The following MRPS6 variants were observed in gnomAD, a reference collection of about 807,000 sequenced individuals.
MRPS6 encodes small ribosomal subunit protein bS6m.
A neutral mutation model predicts 13.1 loss-of-function variants in MRPS6; 6 were observed. The ratio of observed to expected loss-of-function variants is 0.46; its 90% CI spans 0.25 to 0.91. The LOEUF is 0.91. Among genes scored for constraint, MRPS6 ranks in the 40% least tolerant of loss-of-function variants. The probability of loss-of-function intolerance (pLI) is 0.18; values close to 1 mark genes in which losing one functional copy is unlikely to be tolerated. For missense variants in MRPS6, 164 were observed against 155.6 expected, an observed-to-expected ratio of 1.05 and a Z score of -0.29; for synonymous variants, 61 against 56.5, an observed-to-expected ratio of 1.08 and a Z score of -0.36.
intron 2 of MRPS6, among the ~76,000 whole-genome samples, chr21:34,132,500 C>T (rs1442463086): frequency 1.3e-5 from 2 of 152,144 alleles, no homozygotes; most frequent in Admixed American, 6.5e-5. Flanking sequence ...AGGGTGAAGG[C>T]AAGAGAGGGG....
chr21:34,122,579 G>T lies in MRPS6; in HGVS notation c.46-2762G>T, dbSNP rs753178286. ...TTATAAGCTCTTACTTCAGAAGAGGGTAATGAGTTTTATACTGTAAACACT... is the reference window on the plus strand; with the variant it reads ...TTATAAGCTCTTACTTCAGAAGAGGTTAATGAGTTTTATACTGTAAACACT... On this transcript the variant is annotated intron_variant, in intron 1 of 2. Coordinates refer to ENST00000399312, the MANE Select transcript of MRPS6 (RefSeq NM_032476.4). 2.6e-5 allele frequency: 4 copies of T among 152,260 alleles called. 1 individual carries two copies. Among genetic ancestry groups the T allele is most frequent in the South Asian group, 4.1e-4 (2 of 4,826 alleles). The allele number at this position is 152,260 out of a possible 1,614,324, so 9.4% of individuals were successfully genotyped here.
At chr21:34,125,607 T>G in intron 2 of MRPS6, 127 bp downstream of exon 2, 1 of 1,380,988 alleles carries the variant, frequency 7.2e-7, no homozygotes, top group Non-Finnish European at 9.8e-7. Flanking sequence ...GTCCTTTGGG[T>G]ACACACTCTG....
At chr21:34,082,196 A>G (rs901434415) in intron 1 of MRPS6, among the ~76,000 whole-genome samples, 3 of 152,182 alleles carry the variant, frequency 2.0e-5, no homozygotes, top group African/African-American at 7.2e-5. Context: ...TAAATCTCTT[A>G]GCATTTATGT....
intron 1 of MRPS6, among the ~76,000 whole-genome samples, chr21:34,086,145 A>G (rs182437525): frequency 6.6e-6 from 1 of 152,216 alleles, no homozygotes; most frequent in African/African-American, 2.4e-5. Context: ...TGCTGTTTAT[A>G]TATATTCTTC....
intron 2 of MRPS6, among the ~76,000 whole-genome samples, chr21:34,130,106 C>G (rs1980449501): frequency 6.7e-6 from 1 of 149,920 alleles, no homozygotes; most frequent in African/African-American, 2.4e-5. Context: ...AAAGCCCTCC[C>G]ATCCCCCTCC....
chr21:34,113,193 T>G (rs1232172148), intron 1 of MRPS6, among the ~76,000 whole-genome samples: 1 of 152,104 alleles, frequency 6.6e-6, no homozygotes, highest in Non-Finnish European at 1.5e-5. Context: ...CTCAAAATAT[T>G]AAAAATAGGA....
intron 1 of MRPS6, among the ~76,000 whole-genome samples, chr21:34,074,327 G>A (rs1347743354): frequency 6.6e-6 from 1 of 152,188 alleles, no homozygotes. Context: ...TCGCTCTCAT[G>A]TTAAAAAAAA....
intron 1 of MRPS6, chr21:34,101,053 G>T: frequency 1.0e-6 from 1 of 1,000,178 alleles, no homozygotes; most frequent in East Asian, 1.1e-4. Flanking sequence ...GGTTTGGATA[G>T]AGAGATGTAT....
intron 1 of MRPS6, chr21:34,123,694 A>C (rs568713581): frequency 2.2e-4 from 33 of 152,142 alleles, no homozygotes; most frequent in African/African-American, 8.0e-4. Flanking sequence ...TTTGACTACC[A>C]ACTTGCCCAT....
intron 1 of MRPS6, among the ~76,000 whole-genome samples, chr21:34,078,762 G>T (rs1055090689): frequency 6.6e-6 from 1 of 152,022 alleles, no homozygotes; most frequent in Non-Finnish European, 1.5e-5. Context: ...TGGAAGGAAG[G>T]GTAGAGAACA....
intron 1 of MRPS6, chr21:34,103,315 T>TAA (rs11433558): frequency 0.033 from 29,944 of 902,158 alleles, 347 homozygotes; most frequent in East Asian, 0.15. Context: ...GTGAAGGAAG[T>TAA]AAAAAAAAAA....
Position 34,095,639 on chromosome 21 carries a change from C to A in MRPS6, c.45+21894C>A, listed in dbSNP as rs764401129. 3.1e-6 allele frequency: 5 copies of A among 1,610,766 alleles called. No individual in the cohort carries two copies. In the South Asian group the frequency reaches 5.5e-5, roughly 18 times the overall value. ...TCTCGGTGGATCTGTATTCGGGTGC[C>A]CTTTTTATCCAGGAGTCTTTGGGTT... On this transcript the variant is annotated intron_variant, in intron 1 of 2. Coordinates refer to ENST00000399312, the MANE Select transcript of MRPS6 (RefSeq NM_032476.4).
intron 1 of MRPS6, chr21:34,098,220 A>G (rs986059151): frequency 6.0e-6 from 6 of 999,058 alleles, no homozygotes; most frequent in Non-Finnish European, 7.2e-6. Context: ...TGCTAATCAG[A>G]TGATTACTCA....
chr21:34,115,372 C>G (rs1319304589), intron 1 of MRPS6, among the ~76,000 whole-genome samples: 3 of 152,192 alleles, frequency 2.0e-5, no homozygotes, highest in Non-Finnish European at 4.4e-5. Flanking sequence ...CCCTTGGCTT[C>G]ATTGACCACT....
intron 2 of MRPS6, among the ~76,000 whole-genome samples, chr21:34,138,053 A>G (rs1980769347): frequency 6.6e-6 from 1 of 150,842 alleles, no homozygotes; most frequent in African/African-American, 2.4e-5. Flanking sequence ...CATTCATCTG[A>G]TTTCTTGTAA....
chr21:34,097,974 A>G, intron 1 of MRPS6: 2 of 998,030 alleles, frequency 2.0e-6, no homozygotes, highest in South Asian at 4.7e-5. Context: ...ATGTTAGGGA[A>G]AAACTTTGTT....
At chr21:34,101,144 A>G (rs1979218181) in intron 1 of MRPS6, 1 of 1,000,078 alleles carries the variant, frequency 1.0e-6, no homozygotes, top group Non-Finnish European at 1.2e-6. Context: ...AAAATGATTA[A>G]GTGAGATAAG....
At chr21:34,139,293 A>G (rs1206583831) in intron 2 of MRPS6, among the ~76,000 whole-genome samples, 1 of 151,960 alleles carries the variant, frequency 6.6e-6, no homozygotes, top group Non-Finnish European at 1.5e-5. Flanking sequence ...ATATGTAACT[A>G]ACCTGCACAT....
intron 1 of MRPS6, among the ~76,000 whole-genome samples, chr21:34,079,814 T>C (rs1200892722): frequency 6.6e-6 from 1 of 152,064 alleles, no homozygotes; most frequent in Non-Finnish European, 1.5e-5. Flanking sequence ...TGGCATTTTC[T>C]GTTCTCTTCT....
Sources: allele counts gnomAD v4.1 joint callset (sites outside exome capture counted in the v4.1 genomes callset), GRCh38; gene constraint gnomAD v4.1.1; transcripts MANE v1.5; gene names NCBI Gene and HGNC (gene_info 2026-07-23, HGNC 2026-07-21).